The following PHACTR3 variants were observed in gnomAD, a reference collection of about 807,000 sequenced individuals.
The protein encoded by PHACTR3 is protein phosphatase 1, regulatory subunit 123.
A neutral mutation model predicts 66.8 loss-of-function variants in PHACTR3; 16 were observed. The ratio of observed to expected loss-of-function variants is 0.24; its 90% CI spans 0.16 to 0.36. The LOEUF is 0.36. Ranked by LOEUF, PHACTR3 falls within the 10% of genes least tolerant of loss-of-function variation. The pLI is 1.00. For synonymous variants in PHACTR3, 323 were observed against 292.1 expected (o/e 1.11, Z -1.08); for missense variants, 647 against 719.9 (o/e 0.90, Z 1.16).
intron 8 of PHACTR3, among the ~76,000 whole-genome samples, chr20:59,815,593 T>C (rs1412979312): frequency 6.6e-6 from 1 of 152,022 alleles, no homozygotes; most frequent in Non-Finnish European, 1.5e-5. Flanking sequence ...CCCAGCTAAC[T>C]TTTGTATTTT....
intron 1 of PHACTR3, among the ~76,000 whole-genome samples, chr20:59,687,854 A>G (rs114114902): frequency 0.01 from 1,589 of 152,074 alleles, 24 homozygotes; most frequent in African/African-American, 0.036. Context: ...ATCACATCAC[A>G]TGGGGCTTTG....
At chr20:59,701,253 C>T (rs1001137423) in intron 1 of PHACTR3, among the ~76,000 whole-genome samples, 2 of 152,194 alleles carry the variant, frequency 1.3e-5, no homozygotes, top group East Asian at 1.9e-4. Context: ...CCCGTGTCTT[C>T]GTACTCTGCA....
At chr20:59,819,003 C>A (rs2041959203) in intron 8 of PHACTR3, among the ~76,000 whole-genome samples, 1 of 152,204 alleles carries the variant, frequency 6.6e-6, no homozygotes, top group Non-Finnish European at 1.5e-5. Flanking sequence ...GGCTCTCAAT[C>A]CCCTTGACGT....
At chr20:59,676,627 G>A (rs886614883) in intron 1 of PHACTR3, 1 of 906,342 alleles carries the variant, frequency 1.1e-6, no homozygotes, top group Non-Finnish European at 1.3e-6. Flanking sequence ...GCAAGTGAGA[G>A]TGCCAGGGCT....
chr20:59,842,601 G>A (rs1248590414), intron 11 of PHACTR3, among the ~76,000 whole-genome samples: 2 of 152,166 alleles, frequency 1.3e-5, no homozygotes, highest in African/African-American at 4.8e-5. Flanking sequence ...GTGTTTATCT[G>A]AGAAAGAAGT....
chr20:59,792,443 G>T (rs1026693949), intron 7 of PHACTR3, among the ~76,000 whole-genome samples: 1 of 152,166 alleles, frequency 6.6e-6, no homozygotes, highest in Non-Finnish European at 1.5e-5. Flanking sequence ...CACCATCAAG[G>T]TATTAGAGTT....
chr20:59,829,173 G>A lies in PHACTR3; in HGVS notation c.1329-7332G>A, dbSNP rs1331427726. 6.6e-6 allele frequency among the ~76,000 whole-genome samples: 1 copy of A among 152,118 alleles called. No homozygotes were observed. Among genetic ancestry groups the A allele is most frequent in the Non-Finnish European group, 1.5e-5 (1 of 68,000 alleles). On this transcript the variant is annotated intron_variant, in intron 8 of 12. Coordinates refer to ENST00000371015, the MANE Select transcript of PHACTR3 (RefSeq NM_080672.5). This position sits in a 1 kb window ranked among gnomAD's most constrained non-coding sequence, Gnocchi z 4.2. ...CGGCTTTGGACTCAGAGTGCCTGGA[G>A]TCACATCCTCCCCGGCATCCCAGAA...
At chr20:59,701,041 C>T (rs1238946568) in intron 1 of PHACTR3, among the ~76,000 whole-genome samples, 8 of 152,190 alleles carry the variant, frequency 5.3e-5, no homozygotes, top group Non-Finnish European at 1.0e-4. Flanking sequence ...ATCCTCCTGC[C>T]TCAGCCTCCC....
At chr20:59,578,310 A>G (rs937437861) in intron 1 of PHACTR3, among the ~76,000 whole-genome samples, 1 of 152,192 alleles carries the variant, frequency 6.6e-6, no homozygotes, top group Non-Finnish European at 1.5e-5. Flanking sequence ...CTCAGTGGCC[A>G]TGGGTGCATG....
chr20:59,633,195 T>A (rs6064821), intron 1 of PHACTR3, among the ~76,000 whole-genome samples: 1 of 151,994 alleles, frequency 6.6e-6, no homozygotes, highest in African/African-American at 2.4e-5. Flanking sequence ...TAAAGACATA[T>A]GCATACGTGT....
chr20:59,832,086 T>A (rs1306000293), intron 8 of PHACTR3, among the ~76,000 whole-genome samples: 1 of 152,162 alleles, frequency 6.6e-6, no homozygotes, highest in African/African-American at 2.4e-5. Context: ...ATCCCAGCTG[T>A]GTCCCTGCTG....
intron 3 of PHACTR3, among the ~76,000 whole-genome samples, chr20:59,754,040 C>T (rs529456860): frequency 6.6e-6 from 1 of 152,364 alleles, no homozygotes; most frequent in Non-Finnish European, 1.5e-5. Context: ...TGCACCGGGC[C>T]TCCAGGAACT....
intron 1 of PHACTR3, among the ~76,000 whole-genome samples, chr20:59,707,426 T>G (rs2146632628): frequency 6.7e-6 from 1 of 149,122 alleles, no homozygotes; most frequent in Admixed American, 6.7e-5. Context: ...GTCTGGGGCC[T>G]CCCTTCTTCT....
chr20:59,796,282 A>T (rs1429927377), intron 7 of PHACTR3, among the ~76,000 whole-genome samples: 1 of 152,118 alleles, frequency 6.6e-6, no homozygotes, highest in Admixed American at 6.5e-5. Flanking sequence ...ATGCTGCCTT[A>T]ATTTACATCT....
Position 59,740,944 on chromosome 20 carries a change from G to A in PHACTR3, c.119-2163G>A, listed in dbSNP as rs2039136529. On this transcript the variant is annotated intron_variant, in intron 1 of 12. Coordinates refer to ENST00000371015, the MANE Select transcript of PHACTR3 (RefSeq NM_080672.5). ...CTGGGCCTCCTTGGGGCAGCCAGTG[G>A]CATGCATGGGTGCCTTAGGTGGGAA... Among the ~76,000 whole-genome samples the A allele has an allele frequency of 2.0e-5, 3 of 152,220 alleles. No individual in the cohort carries two copies. The South Asian group carries it at 6.2e-4, about 31-fold the overall frequency.
At chr20:59,796,428 A>G (rs1011800880) in intron 7 of PHACTR3, among the ~76,000 whole-genome samples, 2 of 152,174 alleles carry the variant, frequency 1.3e-5, no homozygotes, top group African/African-American at 4.8e-5. Flanking sequence ...GAAGTTGATT[A>G]TGAATTTGCG....
chr20:59,726,124 A>T (rs959706774), intron 1 of PHACTR3, among the ~76,000 whole-genome samples: 2 of 152,222 alleles, frequency 1.3e-5, no homozygotes, highest in Non-Finnish European at 2.9e-5. Flanking sequence ...CCACAGCCAG[A>T]TGCTTTGAAA....
At chr20:59,595,281 T>C (rs2033293468) in intron 1 of PHACTR3, among the ~76,000 whole-genome samples, 1 of 151,968 alleles carries the variant, frequency 6.6e-6, no homozygotes, top group African/African-American at 2.4e-5. Context: ...TCCAATATGG[T>C]GAAACCCCAT....
chr20:59,682,265 A>G (rs903007541), intron 1 of PHACTR3, among the ~76,000 whole-genome samples: 1 of 152,186 alleles, frequency 6.6e-6, no homozygotes, highest in Admixed American at 6.5e-5. Flanking sequence ...GCTCCAACCC[A>G]GGAGGCAGAG....
Sources: allele counts gnomAD v4.1 joint callset (sites outside exome capture counted in the v4.1 genomes callset), GRCh38; gene constraint gnomAD v4.1.1; non-coding constraint Gnocchi (gnomAD v3.1); transcripts MANE v1.5; gene names NCBI Gene and HGNC (gene_info 2026-07-23, HGNC 2026-07-21).